The following PLEKHA5 variants were observed in gnomAD, a reference collection of about 807,000 sequenced individuals.
The protein encoded by PLEKHA5 is pleckstrin homology domain-containing family A member 5.
A neutral mutation model predicts 181.9 loss-of-function variants in PLEKHA5; 55 were observed. That is an observed-to-expected ratio of 0.30 (90% CI 0.24 to 0.38). The LOEUF is 0.38. Among genes scored for constraint, PLEKHA5 ranks in the 10% least tolerant of loss-of-function variants. The pLI is 1.00. For missense variants in PLEKHA5, 1,432 were observed against 1,549.5 expected (o/e 0.92, Z 1.27); for synonymous variants, 535 against 529.4 (o/e 1.01, Z -0.15).
At chr12:19,287,352 T>C in intron 12 of PLEKHA5, 121 bp from the exon 13 acceptor site, 1 of 709,720 alleles carries the variant, frequency 1.4e-6, no homozygotes, top group South Asian at 1.6e-5. Flanking sequence ...TCATCTTTCA[T>C]AAGCACTAAT....
chr12:19,223,132 C>G (rs1196819530), intron 3 of PLEKHA5, among the ~76,000 whole-genome samples: 1 of 151,538 alleles, frequency 6.6e-6, no homozygotes, highest in African/African-American at 2.4e-5. Context: ...CCCGCTACAA[C>G]CCGTGGCTCC....
At chr12:19,273,434 T>G (rs1267165274) in intron 10 of PLEKHA5, among the ~76,000 whole-genome samples, 2 of 152,054 alleles carry the variant, frequency 1.3e-5, no homozygotes, top group African/African-American at 4.8e-5. Context: ...TGATTACAGA[T>G]ATATGTATAT....
intron 28 of PLEKHA5, among the ~76,000 whole-genome samples, chr12:19,360,495 T>A (rs1736838919): frequency 6.6e-6 from 1 of 151,584 alleles, no homozygotes; most frequent in Admixed American, 6.6e-5. Context: ...TAATCACTAC[T>A]TGGGAGGCTG....
intron 20 of PLEKHA5, among the ~76,000 whole-genome samples, chr12:19,326,867 C>T (rs2092185335): frequency 6.6e-6 from 1 of 152,206 alleles, no homozygotes; most frequent in Non-Finnish European, 1.5e-5. Flanking sequence ...TGGCCTATGG[C>T]TGCATCCATG....
chr12:19,158,613 T>A lies in PLEKHA5; in HGVS notation c.227+26163T>A, dbSNP rs1337415460. On this transcript the variant is annotated intron_variant, in intron 3 of 31. Transcript: ENST00000429027. ...CCTAAAATTTGCTGTAAAAGACATT[T>A]CACCTGCTTTGGTATTACCTCACTG... Among the ~76,000 whole-genome samples the A allele has an allele frequency of 2.0e-5, 3 of 152,206 alleles. No individual in the cohort carries two copies. The East Asian group carries it at 5.8e-4, about 29-fold the overall frequency.
chr12:19,236,599 G>A (rs751421071), intron 3 of PLEKHA5, among the ~76,000 whole-genome samples: 26 of 152,022 alleles, frequency 1.7e-4, no homozygotes, highest in Non-Finnish European at 3.2e-4. Flanking sequence ...TAGTTGGGGT[G>A]CTTACAGTTT....
At chr12:19,344,427 A>G (rs903201688) in intron 22 of PLEKHA5, among the ~76,000 whole-genome samples, 1 of 152,172 alleles carries the variant, frequency 6.6e-6, no homozygotes, top group South Asian at 2.1e-4. Flanking sequence ...CTCCATAACA[A>G]TGCAGTGTAA....
chr12:19,376,362 C>CT lies in PLEKHA5; in HGVS notation c.*850dup, dbSNP rs940843822. On this transcript the variant is annotated 3_prime_UTR_variant, in exon 32 of 32. Coordinates refer to ENST00000429027, the MANE Select transcript of PLEKHA5 (RefSeq NM_001256470.2). ...AAATGCAAATGTTCATATCTCATTT[C>CT]TTTTTTTATCATGTTAAATAAATGT... 2.0e-5 allele frequency: 3 copies of CT among 152,564 alleles called. No homozygotes were observed. Among genetic ancestry groups the CT allele is most frequent in the South Asian group, 2.1e-4 (1 of 4,816 alleles). 9.5% of individuals were successfully genotyped at this position (152,564 alleles called of 1,614,324 possible).
chr12:19,176,670 A>C (rs1376039418), intron 3 of PLEKHA5: 1 of 152,130 alleles, frequency 6.6e-6, no homozygotes, highest in Non-Finnish European at 1.5e-5. Flanking sequence ...TCCTTGATAG[A>C]AGCTTAGGTA....
chr12:19,364,770 G>A (rs1236593495), intron 29 of PLEKHA5, among the ~76,000 whole-genome samples: 3 of 151,580 alleles, frequency 2.0e-5, no homozygotes, highest in Non-Finnish European at 4.4e-5. Flanking sequence ...GATTCAAGCA[G>A]TTCTCCTGCC....
intron 3 of PLEKHA5, among the ~76,000 whole-genome samples, chr12:19,247,199 C>T (rs1379478595): frequency 6.6e-6 from 1 of 152,208 alleles, no homozygotes; most frequent in Admixed American, 6.5e-5. Flanking sequence ...TTTCAGAGTG[C>T]TGTCATACAG....
chr12:19,322,287 A>G (rs754940611), intron 18 of PLEKHA5, 23 bp from the exon 19 acceptor site: 8 of 1,530,744 alleles, frequency 5.2e-6, no homozygotes, highest in African/African-American at 1.4e-5. Flanking sequence ...ATTGCTAACA[A>G]GACATCTTCT....
At chr12:19,229,260 C>T (rs2060105306) in intron 3 of PLEKHA5, among the ~76,000 whole-genome samples, 1 of 152,060 alleles carries the variant, frequency 6.6e-6, no homozygotes, top group African/African-American at 2.4e-5. Flanking sequence ...GTCTGTTATG[C>T]AATATTGTGT....
At position 19,322,775 on chromosome 12, in the gene PLEKHA5, A is replaced by G; in HGVS notation, c.2448+108A>G. 4 of 666,246 alleles carry G rather than the reference A, an allele frequency of 6.0e-6. No individual in the cohort carries two copies. The South Asian group carries it at 8.9e-5, about 15-fold the overall frequency. 41.3% of individuals were successfully genotyped at this position (666,246 alleles called of 1,614,324 possible). ...CTCTTTAGGATTCTTCTATATTATT[A>G]TAGCAGAAAATATTAATTTGTTATT... is the stretch of plus-strand genomic sequence containing the variant. On this transcript the variant is annotated intron_variant, in intron 20 of 31. Transcript: ENST00000429027.
intron 3 of PLEKHA5, among the ~76,000 whole-genome samples, chr12:19,231,321 T>G (rs2060502947): frequency 6.6e-6 from 1 of 151,978 alleles, no homozygotes; most frequent in Non-Finnish European, 1.5e-5. Context: ...TGTTAGTAAA[T>G]CAGACTCTGT....
intron 7 of PLEKHA5, among the ~76,000 whole-genome samples, chr12:19,264,080 C>T (rs1465623782): frequency 6.6e-6 from 1 of 151,328 alleles, no homozygotes; most frequent in Non-Finnish European, 1.5e-5. Context: ...TTTACACGCA[C>T]TGTCTTTGAT....
chr12:19,161,119 T>G (rs1388491809), intron 3 of PLEKHA5, among the ~76,000 whole-genome samples: 1 of 152,222 alleles, frequency 6.6e-6, no homozygotes, highest in Non-Finnish European at 1.5e-5. Flanking sequence ...ATTAATATTT[T>G]AAGTTAGAAA....
rs1023108739 is a variant in PLEKHA5, at chr12:19,306,931, C to T, written c.2038-7883C>T. ...ACCAGCTAATGCAATGGCAGGTCTTCTGCTTGGTGTTGGGCTCCTGCCTAC... is the reference window on the plus strand; with the variant it reads ...ACCAGCTAATGCAATGGCAGGTCTTTTGCTTGGTGTTGGGCTCCTGCCTAC... On this transcript the variant is annotated intron_variant, in intron 15 of 31. Coordinates refer to ENST00000429027, the MANE Select transcript of PLEKHA5 (RefSeq NM_001256470.2). 1.8e-5 allele frequency: 17 copies of T among 922,466 alleles called. No homozygotes were observed. In the East Asian group the frequency reaches 3.6e-4, roughly 20 times the overall value. 57.1% of individuals were successfully genotyped at this position (922,466 alleles called of 1,614,324 possible). A position where few individuals can be genotyped will look rare whatever the true frequency, so the allele number is the denominator to read the frequency against.
At chr12:19,334,841 T>A (rs867511318) in intron 20 of PLEKHA5, among the ~76,000 whole-genome samples, 7,322 of 28,182 alleles carry the variant, frequency 0.26, 1,738 homozygotes, top group Middle Eastern at 0.5. Context: ...TATATATATA[T>A]ATATATATAT....
Sources: gnomAD v4.1 joint callset for allele counts (sites outside exome capture counted in the v4.1 genomes callset) on GRCh38, gnomAD v4.1.1 for gene constraint, MANE v1.5 for transcripts, NCBI Gene and HGNC (gene_info 2026-07-23, HGNC 2026-07-21) for gene names.